The following TAFA4 variants were observed in gnomAD, a reference collection of about 807,000 sequenced individuals.
TAFA4 encodes the protein TAFA chemokine like family member 4.
In TAFA4, 20 loss-of-function variants were observed where a neutral mutation model predicts 21.1. That is an observed-to-expected ratio of 0.95 (90% CI 0.67 to 1.38). The LOEUF is 1.38. TAFA4 is among the 40% of genes most tolerant of loss of function. The pLI is 0.00. For missense variants in TAFA4, 211 were observed against 180.9 expected (o/e 1.17, Z -0.95); for synonymous variants, 71 against 67.4 (o/e 1.05, Z -0.26).
At chr3:68,805,520 G>T (rs1461914173) in intron 3 of TAFA4, among the ~76,000 whole-genome samples, 1 of 152,138 alleles carries the variant, frequency 6.6e-6, no homozygotes, top group African/African-American at 2.4e-5. Flanking sequence ...GTTTATTGCG[G>T]CACTATTCAC....
At chr3:68,922,368 T>C (rs902407954) in intron 1 of TAFA4, among the ~76,000 whole-genome samples, 2 of 152,126 alleles carry the variant, frequency 1.3e-5, no homozygotes, top group African/African-American at 4.8e-5. Context: ...ATATTAGGAA[T>C]GTCAAGAATA....
intron 1 of TAFA4, among the ~76,000 whole-genome samples, chr3:68,909,112 G>A (rs568693674): frequency 3.9e-5 from 6 of 152,152 alleles, no homozygotes; most frequent in African/African-American, 7.2e-5. Context: ...CTACCAAGTC[G>A]GGCTGCACAG....
intron 1 of TAFA4, among the ~76,000 whole-genome samples, chr3:68,915,761 C>A (rs369120239): frequency 6.6e-6 from 1 of 152,164 alleles, no homozygotes; most frequent in South Asian, 2.1e-4. Flanking sequence ...GTAGCTAAAT[C>A]TCCCTAACTA....
At chr3:68,873,333 G>GACAT (rs1553649854) in intron 3 of TAFA4, among the ~76,000 whole-genome samples, 9 of 46,922 alleles carry the variant, frequency 1.9e-4, no homozygotes, top group African/African-American at 4.4e-4. Flanking sequence ...GACACACGCA[G>GACAT]ACATACACAC....
At position 68,910,951 on chromosome 3, in the gene TAFA4, C is replaced by G. The variant is rs746982433; in HGVS notation, c.-123+21289G>C. 2.0e-5 allele frequency among the ~76,000 whole-genome samples: 3 copies of G among 152,208 alleles called. No homozygotes were observed. In the East Asian group the frequency reaches 5.8e-4, roughly 29 times the overall value. ...ATATCAACTCTTACCTCCTATTAAA[C>G]TACAAAGCATGTAAAAAAGATATGA... is the stretch of plus-strand genomic sequence containing the variant. On this transcript the variant is annotated intron_variant, in intron 1 of 5. Transcript: ENST00000295569.
chr3:68,894,281 C>T (rs2106970543), intron 1 of TAFA4, among the ~76,000 whole-genome samples: 1 of 152,028 alleles, frequency 6.6e-6, no homozygotes, highest in East Asian at 1.9e-4. Flanking sequence ...ACCTCAGCTT[C>T]CCAGGTAGCT....
intron 3 of TAFA4, among the ~76,000 whole-genome samples, chr3:68,802,281 A>C (rs369817130): frequency 2.6e-5 from 4 of 152,128 alleles, no homozygotes; most frequent in African/African-American, 4.8e-5. Flanking sequence ...TTGGCATTAC[A>C]CACAAACTGG....
intron 3 of TAFA4, among the ~76,000 whole-genome samples, chr3:68,797,235 C>G (rs990829903): frequency 6.6e-6 from 1 of 152,112 alleles, no homozygotes; most frequent in Admixed American, 6.5e-5. Context: ...AGCCAAAAGA[C>G]AGAAGCAACC....
intron 1 of TAFA4, among the ~76,000 whole-genome samples, chr3:68,899,573 G>T (rs2089824681): frequency 6.6e-6 from 1 of 152,118 alleles, no homozygotes; most frequent in Admixed American, 6.5e-5. Flanking sequence ...AGAACTTGAG[G>T]CCTAAGAAAT....
chr3:68,793,541 G>A (rs1331239204), intron 3 of TAFA4, among the ~76,000 whole-genome samples: 6 of 152,132 alleles, frequency 3.9e-5, no homozygotes, highest in East Asian at 1.9e-4. Flanking sequence ...TTTTAACTTT[G>A]AGCTTATATT....
intron 1 of TAFA4, among the ~76,000 whole-genome samples, chr3:68,928,970 T>C (rs2090134844): frequency 7.4e-6 from 1 of 135,810 alleles, no homozygotes; most frequent in Non-Finnish European, 1.6e-5. Flanking sequence ...AACCAGATTT[T>C]ACAATTAAGT....
chr3:68,863,996 A>T (rs933111611), intron 3 of TAFA4, among the ~76,000 whole-genome samples: 3 of 152,138 alleles, frequency 2.0e-5, no homozygotes, highest in African/African-American at 7.2e-5. Flanking sequence ...CAAAAACTAA[A>T]AACTGTCTCA....
At position 68,731,869 on chromosome 3, in the gene TAFA4, A is replaced by G. The variant is rs984027636; in HGVS notation, c.*1273T>C. On this transcript the variant is annotated 3_prime_UTR_variant, in exon 6 of 6. Transcript: ENST00000295569. ...CATTCCTTTCCATTCCCTCTGCAAG[A>G]ATAAAATCAAATAACTGTTAGGCTA... The G allele has an allele frequency of 8.3e-5, 11 of 131,860 alleles. No homozygotes were observed. Among genetic ancestry groups the G allele is most frequent in the African/African-American group, 2.9e-4 (11 of 37,902 alleles). The allele number at this position is 131,860 out of a possible 1,614,324, so 8.2% of individuals were successfully genotyped here. A position where few individuals can be genotyped will look rare whatever the true frequency, so the allele number is the denominator to read the frequency against.
chr3:68,917,258 T>A lies in TAFA4; in HGVS notation c.-123+14982A>T, dbSNP rs143146862. ...ACTTCTCAGATTGGACATGGGGGTG[T>A]ATTGCATATTTCCTCATCAGGTTAA... On this transcript the variant is annotated intron_variant, in intron 1 of 5. Transcript: ENST00000295569. Among the ~76,000 whole-genome samples, 612 of 152,272 alleles carry A rather than the reference T, an allele frequency of 4.0e-3. 10 individuals carry two copies. The highest frequency in any genetic ancestry group is 0.014 in the African/African-American group (574 of 41,550).
At chr3:68,839,463 A>G (rs1238692706) in intron 3 of TAFA4, among the ~76,000 whole-genome samples, 1 of 152,222 alleles carries the variant, frequency 6.6e-6, no homozygotes, top group African/African-American at 2.4e-5. Context: ...AATGGCCTGC[A>G]GTCCCCCAAA....
At chr3:68,904,172 G>A (rs1055316470) in intron 1 of TAFA4, among the ~76,000 whole-genome samples, 1 of 152,000 alleles carries the variant, frequency 6.6e-6, no homozygotes, top group African/African-American at 2.4e-5. Flanking sequence ...TGTAGAAATG[G>A]CCTCATTATC....
intron 1 of TAFA4, among the ~76,000 whole-genome samples, chr3:68,920,969 C>T (rs2090055683): frequency 6.6e-6 from 1 of 152,286 alleles, no homozygotes; most frequent in East Asian, 1.9e-4. Context: ...AACTTGGAAA[C>T]CTCATCTTCT....
chr3:68,829,684 A>G (rs1249753570), intron 3 of TAFA4, among the ~76,000 whole-genome samples: 1 of 152,236 alleles, frequency 6.6e-6, no homozygotes, highest in Non-Finnish European at 1.5e-5. Flanking sequence ...CTTTGGTATC[A>G]GGATGATGCT....
intron 3 of TAFA4, among the ~76,000 whole-genome samples, chr3:68,876,666 T>G (rs763974338): frequency 6.6e-6 from 1 of 152,072 alleles, no homozygotes; most frequent in Non-Finnish European, 1.5e-5. Flanking sequence ...AAATTTACCC[T>G]AAGTTAAAAA....
Sources: allele counts gnomAD v4.1 joint callset (sites outside exome capture counted in the v4.1 genomes callset), GRCh38; gene constraint gnomAD v4.1.1; transcripts MANE v1.5; gene names NCBI Gene and HGNC (gene_info 2026-07-23, HGNC 2026-07-21).